Variants in SUPT4H1 observed in about 807,000 individuals in gnomAD.
SUPT4H1 encodes SPT4 homolog, DSIF elongation factor subunit.
SUPT4H1 carries 12 observed loss-of-function variants against 19.4 expected under a neutral mutation model. The ratio of observed to expected loss-of-function variants is 0.62; its 90% CI spans 0.40 to 1.00. The LOEUF is 1.00. Among genes scored for constraint, SUPT4H1 ranks in the 50% least tolerant of loss-of-function variants. The pLI, the probability that SUPT4H1 is intolerant of heterozygous loss-of-function variation, is 0.00. For missense variants in SUPT4H1, 115 were observed against 149.2 expected, an observed-to-expected ratio of 0.77 and a Z score of 1.19; for synonymous variants, 58 against 56.3, an observed-to-expected ratio of 1.03 and a Z score of -0.14.
intron 2 of SUPT4H1, among the ~76,000 whole-genome samples, chr17:58,349,869 A>C (rs1243431997): frequency 6.6e-6 from 1 of 152,236 alleles, no homozygotes; most frequent in Non-Finnish European, 1.5e-5. Flanking sequence ...TGTCAGGGAC[A>C]GGAGGGAGGA....
Position 58,352,076 on chromosome 17 carries a change from C to T in SUPT4H1, c.60G>A (p.Ser20=). 1 of 1,614,186 alleles carries T rather than the reference C, an allele frequency of 6.2e-7. No homozygotes were observed. Among genetic ancestry groups the T allele is most frequent in the South Asian group, 1.1e-5 (1 of 91,086 alleles). Residue 20 remains serine, a synonymous_variant, in exon 1 of 5, where the codon TCG becomes TCA. Transcript: ENST00000225504. ...GGTCCCCGACTGACACCTTGACCAGCGAACACAGCAAACAGGCCCGCAGAT... is the reference window on the plus strand; with the variant it reads ...GGTCCCCGACTGACACCTTGACCAGTGAACACAGCAAACAGGCCCGCAGAT... ...LRHLRACLLC[S]LVKTIDQFEY...
chr17:58,348,762 T>G (rs1356891462), intron 2 of SUPT4H1, among the ~76,000 whole-genome samples: 1 of 152,094 alleles, frequency 6.6e-6, no homozygotes, highest in African/African-American at 2.4e-5. Context: ...CTTCTTGCCT[T>G]AAGAGGAAAG....
intron 2 of SUPT4H1, among the ~76,000 whole-genome samples, chr17:58,350,025 G>A (rs994095109): frequency 6.6e-6 from 1 of 152,246 alleles, no homozygotes; most frequent in African/African-American, 2.4e-5. Context: ...GCTCATGCCT[G>A]TAATCCCAGC....
chr17:58,349,758 CATT>C (rs1434454063), intron 2 of SUPT4H1, among the ~76,000 whole-genome samples: 15 of 123,702 alleles, frequency 1.2e-4, no homozygotes. Flanking sequence ...ACCTTGAAGA[CATT>C]ATGTTGGTGA....
intron 2 of SUPT4H1, 85 bp downstream of exon 2, chr17:58,351,317 T>A: frequency 5.3e-6 from 4 of 757,012 alleles, no homozygotes; most frequent in East Asian, 3.2e-5. Context: ...TGGGCCCAAC[T>A]AGGATTAACA....
chr17:58,347,619 G>A, intron 2 of SUPT4H1, 35 bp from the exon 3 acceptor site: 2 of 1,593,238 alleles, frequency 1.3e-6, no homozygotes, highest in South Asian at 1.1e-5. Context: ...GTCAGCCTGA[G>A]CCTCCCTGGG....
In SUPT4H1 at chr17:58,347,602, A is replaced by G. The variant is rs1191472764; in HGVS notation, c.177-18T>C. On this transcript the variant is annotated intron_variant, in intron 2 of 4. Coordinates refer to ENST00000225504, the MANE Select transcript of SUPT4H1 (RefSeq NM_003168.3). ...CAATGATTCTAGGGAGGGAAAAGAA[A>G]TGGAGAGTCAGCCTGAGCCTCCCTG... 6.2e-7 allele frequency: 1 copy of G among 1,613,842 alleles called. No individual in the cohort carries two copies. Among genetic ancestry groups the G allele is most frequent in the African/African-American group, 1.3e-5 (1 of 74,924 alleles).
chr17:58,351,782 TC>T lies in SUPT4H1; in HGVS notation c.70-275del, dbSNP rs1567867646. 7.0e-6 allele frequency: 4 copies of T among 570,158 alleles called. No individual in the cohort carries two copies. In the African/African-American group the frequency reaches 7.6e-5, roughly 11 times the overall value. The allele number at this position is 570,158 out of a possible 1,614,324, so 35.3% of individuals were successfully genotyped here. ...TTCCGACTACTCACTCAGCAGCGGATCCCCACCCGCCTCTGACTCCCAGTGT... is the reference window on the plus strand; with the variant it reads ...TTCCGACTACTCACTCAGCAGCGGATCCCACCCGCCTCTGACTCCCAGTGT... On this transcript the variant is annotated intron_variant, in intron 1 of 4. Transcript: ENST00000225504.
intron 2 of SUPT4H1, among the ~76,000 whole-genome samples, chr17:58,350,763 G>T (rs1376006793): frequency 6.7e-6 from 1 of 148,164 alleles, no homozygotes; most frequent in Non-Finnish European, 1.5e-5. Flanking sequence ...TTGAACCCAG[G>T]AGGCAGAGGT....
At chr17:58,347,945 G>C (rs1052026464) in intron 2 of SUPT4H1, among the ~76,000 whole-genome samples, 2 of 152,194 alleles carry the variant, frequency 1.3e-5, no homozygotes, top group Non-Finnish European at 2.9e-5. Context: ...AGGAGGGTGA[G>C]TGAAAACAAC....
chr17:58,349,059 G>C (rs562543898), intron 2 of SUPT4H1, among the ~76,000 whole-genome samples: 4 of 152,330 alleles, frequency 2.6e-5, no homozygotes, highest in African/African-American at 9.6e-5. Flanking sequence ...AAATAATTAA[G>C]TGTTGGTGAG....
chr17:58,347,722 G>A, intron 2 of SUPT4H1, 138 bp from the exon 3 acceptor site: 2 of 793,522 alleles, frequency 2.5e-6, no homozygotes, highest in Non-Finnish European at 4.3e-6. Flanking sequence ...ATGTTGGGAT[G>A]AGGCTGACTC....
At chr17:58,349,292 T>C (rs1036396891) in intron 2 of SUPT4H1, among the ~76,000 whole-genome samples, 1 of 152,262 alleles carries the variant, frequency 6.6e-6, no homozygotes, top group Admixed American at 6.5e-5. Context: ...TAGAAATCGT[T>C]TTCAAATTTT....
At chr17:58,349,405 C>T (rs1385176232) in intron 2 of SUPT4H1, among the ~76,000 whole-genome samples, 1 of 152,254 alleles carries the variant, frequency 6.6e-6, no homozygotes, top group African/African-American at 2.4e-5. Flanking sequence ...GTAACATAAG[C>T]GTTCTGAGCA....
intron 2 of SUPT4H1, among the ~76,000 whole-genome samples, chr17:58,348,321 T>C (rs961882398): frequency 2.0e-5 from 3 of 152,228 alleles, no homozygotes; most frequent in Non-Finnish European, 2.9e-5. Flanking sequence ...TGTGTGGGTG[T>C]AAGCACTGAC....
rs543389968 is a variant in SUPT4H1, at chr17:58,345,301, A to T, written c.*945T>A. On this transcript the variant is annotated 3_prime_UTR_variant, in exon 5 of 5. Coordinates refer to ENST00000225504, the MANE Select transcript of SUPT4H1 (RefSeq NM_003168.3). ...TCATTCTCTTTTTAGAGGGAGAACA[A>T]GGAACTTAGGGAAATCAAAATGGGG... is the stretch of plus-strand genomic sequence containing the variant. 6.6e-6 allele frequency: 1 copy of T among 152,348 alleles called. No individual in the cohort carries two copies. Among genetic ancestry groups the T allele is most frequent in the Admixed American group, 6.5e-5 (1 of 15,306 alleles). 9.4% of individuals were successfully genotyped at this position (152,348 alleles called of 1,614,324 possible).
intron 2 of SUPT4H1, among the ~76,000 whole-genome samples, chr17:58,350,959 C>T (rs1189199441): frequency 6.6e-6 from 1 of 150,998 alleles, no homozygotes; most frequent in Non-Finnish European, 1.5e-5. Context: ...AGATTACATT[C>T]TTTCTTCTCA....
At position 58,352,093 on chromosome 17, in the gene SUPT4H1, C is replaced by T. The variant is rs1972549551; in HGVS notation, c.43G>A (p.Ala15Thr). 2 of 1,614,216 alleles carry T rather than the reference C, an allele frequency of 1.2e-6. No individual in the cohort carries two copies. Among genetic ancestry groups the T allele is most frequent in the Non-Finnish European group, 1.7e-6 (2 of 1,180,030 alleles). Residue 15 changes from alanine to threonine, a missense_variant, in exon 1 of 5, where the codon GCC becomes ACC. Transcript: ENST00000225504. ...TTGACCAGCGAACACAGCAAACAGG[C>T]CCGCAGATGCCGCAGGTCCTTCGGC... ...TVPKDLRHLR[A>T]CLLCSLVKTI...
chr17:58,348,696 CCTTT>C (rs1972383385), intron 2 of SUPT4H1, among the ~76,000 whole-genome samples: 1 of 152,160 alleles, frequency 6.6e-6, no homozygotes, highest in Non-Finnish European at 1.5e-5. Flanking sequence ...CTAGTCACTC[CCTTT>C]ATTTGGAATG....
Sources: gnomAD v4.1 joint callset for allele counts (sites outside exome capture counted in the v4.1 genomes callset) on GRCh38, gnomAD v4.1.1 for gene constraint, MANE v1.5 for transcripts, NCBI Gene and HGNC (gene_info 2026-07-23, HGNC 2026-07-21) for gene names.